Variants in PTPRK observed in about 807,000 individuals in gnomAD.
PTPRK encodes protein tyrosine phosphatase receptor type K.
Under a neutral mutation model 178.0 loss-of-function variants are expected in PTPRK, and 75 were observed. That is an observed-to-expected ratio of 0.42 (90% CI 0.35 to 0.51). PTPRK has a LOEUF of 0.51. PTPRK is among the 20% of genes least tolerant of loss of function. The probability of loss-of-function intolerance (pLI) is 0.02; values close to 1 mark genes in which losing one functional copy is unlikely to be tolerated. For synonymous variants in PTPRK, 637 were observed against 620.6 expected, an observed-to-expected ratio of 1.03 and a Z score of -0.39; for missense variants, 1,441 against 1,797.8, an observed-to-expected ratio of 0.80 and a Z score of 3.59.
chr6:128,412,110 T>C (rs1277049041), intron 1 of PTPRK, among the ~76,000 whole-genome samples: 11 of 152,242 alleles, frequency 7.2e-5, no homozygotes, highest in Admixed American at 6.5e-4. Flanking sequence ...ATGGAGCAGA[T>C]CTTAATTTAT....
At chr6:128,357,676 A>G (rs749055671) in intron 2 of PTPRK, among the ~76,000 whole-genome samples, 2 of 152,222 alleles carry the variant, frequency 1.3e-5, no homozygotes, top group Non-Finnish European at 2.9e-5. Context: ...CCAAATAATT[A>G]TAAATATTCA....
At chr6:127,970,370 T>C in intron 29 of PTPRK, 90 bp from the exon 30 acceptor site, 1 of 969,654 alleles carries the variant, frequency 1.0e-6, no homozygotes. Context: ...GACAACCAAT[T>C]TAGATTACTC....
rs75899706 is a variant in PTPRK at position 128,050,410 on chromosome 6, A to T, written c.2194+14348T>A. Among the ~76,000 whole-genome samples, 772 of 152,342 alleles carry T rather than the reference A, an allele frequency of 5.1e-3. 5 individuals are homozygous for T. Among genetic ancestry groups the T allele is most frequent in the South Asian group, 0.011 (53 of 4,832 alleles). ...TCTGGTTTTGAATAGGCTATTTTATAAATGGAAAGCCTTTCTTGATTTCTA... is the reference window on the plus strand; with the variant it reads ...TCTGGTTTTGAATAGGCTATTTTATTAATGGAAAGCCTTTCTTGATTTCTA... On this transcript the variant is annotated intron_variant, in intron 13 of 29. Transcript: ENST00000368226.
At chr6:128,238,198 A>AG in intron 5 of PTPRK, 1 of 400,690 alleles carries the variant, frequency 2.5e-6, no homozygotes, top group Non-Finnish European at 4.7e-6. Flanking sequence ...AAAAAAAAAA[A>AG]AAAAGAAAAG....
chr6:128,195,245 C>A (rs1804663017), intron 6 of PTPRK, among the ~76,000 whole-genome samples: 1 of 151,876 alleles, frequency 6.6e-6, no homozygotes, highest in African/African-American at 2.4e-5. Flanking sequence ...CCAACTTACT[C>A]CCCAGGTCTA....
At chr6:128,367,599 C>A (rs1835693349) in intron 2 of PTPRK, among the ~76,000 whole-genome samples, 1 of 152,166 alleles carries the variant, frequency 6.6e-6, no homozygotes, top group Non-Finnish European at 1.5e-5. Flanking sequence ...CCAAAAGAAT[C>A]TAAACCGTCA....
intron 2 of PTPRK, among the ~76,000 whole-genome samples, chr6:128,386,332 CTG>C (rs1838719662): frequency 6.6e-6 from 1 of 152,116 alleles, no homozygotes; most frequent in East Asian, 1.9e-4. Context: ...GAGACAAAGG[CTG>C]TGTATTTCAT....
rs146079857 is a variant in PTPRK, at chr6:128,276,786, G to T, written c.496-34184C>A. On this transcript the variant is annotated intron_variant, in intron 3 of 29. Coordinates refer to ENST00000368226, the MANE Select transcript of PTPRK (RefSeq NM_002844.4). Reference sequence around the variant, plus strand: ...TCCCCAAATATTATTTCTCTAAGTTGTGGGCACCGATGAGTTCAAGACTAT... The same window carrying T: ...TCCCCAAATATTATTTCTCTAAGTTTTGGGCACCGATGAGTTCAAGACTAT... 5.9e-5 allele frequency among the ~76,000 whole-genome samples: 9 copies of T among 152,182 alleles called. No homozygotes were observed. The East Asian group carries it at 1.4e-3, about 23-fold the overall frequency.
chr6:128,233,310 G>A (rs1468357563), intron 5 of PTPRK, among the ~76,000 whole-genome samples: 3 of 152,190 alleles, frequency 2.0e-5, no homozygotes, highest in Non-Finnish European at 2.9e-5. Context: ...TAACTCAATT[G>A]TTTAGAAATC....
intron 1 of PTPRK, among the ~76,000 whole-genome samples, chr6:128,439,416 C>G (rs1364715355): frequency 6.6e-6 from 1 of 151,996 alleles, no homozygotes; most frequent in Non-Finnish European, 1.5e-5. Flanking sequence ...GAAAACTATT[C>G]CCACTAATGT....
chr6:128,142,999 C>T (rs776375910), intron 7 of PTPRK, among the ~76,000 whole-genome samples: 1 of 152,040 alleles, frequency 6.6e-6, no homozygotes, highest in Non-Finnish European at 1.5e-5. Context: ...TTCTCAAATA[C>T]TCTTCAAAAT....
chr6:128,215,304 G>C (rs1809071608), intron 6 of PTPRK, among the ~76,000 whole-genome samples: 1 of 152,148 alleles, frequency 6.6e-6, no homozygotes, highest in Admixed American at 6.6e-5. Context: ...GTGAGGATTG[G>C]CAAAATAATC....
chr6:128,105,164 T>C (rs1450035308), intron 7 of PTPRK, among the ~76,000 whole-genome samples: 9 of 151,632 alleles, frequency 5.9e-5, no homozygotes, highest in African/African-American at 1.2e-4. Context: ...GACGGAGTCT[T>C]GCTCTGTCGC....
In PTPRK at chr6:128,441,450, CA is replaced by C. The variant is rs147645143; in HGVS notation, c.101-43763del. ...GTCTTTGAAGTGCTCTTTTATTAATCAAAAAAAAAACAAAGATTAGAAAATT... is the reference window on the plus strand; with the variant it reads ...GTCTTTGAAGTGCTCTTTTATTAATCAAAAAAAAACAAAGATTAGAAAATT... On this transcript the variant is annotated intron_variant, in intron 1 of 29. Transcript: ENST00000368226. Among the ~76,000 whole-genome samples the C allele has an allele frequency of 9.1e-3, 1,330 of 146,084 alleles. 44 individuals are homozygous for C. Among genetic ancestry groups the C allele is most frequent in the Admixed American group, 0.062 (912 of 14,644 alleles).
At chr6:128,218,452 T>C (rs1809750482) in intron 6 of PTPRK, among the ~76,000 whole-genome samples, 1 of 152,230 alleles carries the variant, frequency 6.6e-6, no homozygotes, top group African/African-American at 2.4e-5. Flanking sequence ...CTTTCTAAGA[T>C]TCTATAAGAG....
chr6:128,264,795 C>G (rs1738285), intron 3 of PTPRK, among the ~76,000 whole-genome samples: 7,758 of 152,198 alleles, frequency 0.051, 664 homozygotes, highest in African/African-American at 0.18. Context: ...GGAGGAACCT[C>G]ATGGGAGATA....
intron 7 of PTPRK, among the ~76,000 whole-genome samples, chr6:128,170,690 T>A (rs1411519517): frequency 6.6e-6 from 1 of 151,932 alleles, no homozygotes; most frequent in Non-Finnish European, 1.5e-5. Context: ...ATGTTGTCAC[T>A]AAAGAAGAAG....
At chr6:128,104,313 A>G (rs918864409) in intron 7 of PTPRK, among the ~76,000 whole-genome samples, 1 of 151,318 alleles carries the variant, frequency 6.6e-6, no homozygotes, top group African/African-American at 2.4e-5. Flanking sequence ...TGCAAGCTCC[A>G]CCTCCCAGGT....
At chr6:128,123,436 C>T (rs1320059738) in intron 7 of PTPRK, among the ~76,000 whole-genome samples, 1 of 152,080 alleles carries the variant, frequency 6.6e-6, no homozygotes, top group African/African-American at 2.4e-5. Flanking sequence ...AAGGTCAGGC[C>T]TGCATGTACA....
Sources: gnomAD v4.1 joint callset for allele counts (sites outside exome capture counted in the v4.1 genomes callset) on GRCh38, gnomAD v4.1.1 for gene constraint, MANE v1.5 for transcripts, NCBI Gene and HGNC (gene_info 2026-07-23, HGNC 2026-07-21) for gene names.